The following ANKRD34C variants were observed in gnomAD, a reference collection of about 807,000 sequenced individuals.
ANKRD34C encodes ankyrin repeat domain-containing protein 34C.
For synonymous variants in ANKRD34C, 260 were observed against 253.6 expected (o/e 1.03, Z -0.24); for missense variants, 563 against 653.0 (o/e 0.86, Z 1.50).
chr15:79,287,358 A>G (rs2058648098), intron 1 of ANKRD34C, among the ~76,000 whole-genome samples: 1 of 152,232 alleles, frequency 6.6e-6, no homozygotes, highest in African/African-American at 2.4e-5. Flanking sequence ...GACACAATGC[A>G]TATAAAGTGT....
chr15:79,293,796 C>A lies in ANKRD34C; in HGVS notation c.512C>A (p.Pro171His). The A allele has an allele frequency of 6.4e-7, 1 of 1,551,690 alleles. No individual in the cohort carries two copies. Among genetic ancestry groups the A allele is most frequent in the South Asian group, 1.2e-5 (1 of 84,056 alleles). Residue 171 changes from proline (P) to histidine (H), a missense_variant, in exon 2 of 2, where the codon CCT becomes CAT. Transcript: ENST00000421388. Reference protein sequence around the residue: ...TKTTKQYLNVPPSPKVEDRHS... With the variant: ...TKTTKQYLNVHPSPKVEDRHS... Reference sequence around the variant, plus strand: ...ACCACCAAACAGTATCTTAATGTCCCTCCTTCACCCAAAGTAGAAGACAGG... The same window carrying A: ...ACCACCAAACAGTATCTTAATGTCCATCCTTCACCCAAAGTAGAAGACAGG...
At chr15:79,290,227 C>T (rs2058655822) in intron 1 of ANKRD34C, among the ~76,000 whole-genome samples, 1 of 142,622 alleles carries the variant, frequency 7.0e-6, no homozygotes, top group Non-Finnish European at 1.5e-5. Flanking sequence ...CAGAGTCTCA[C>T]TATTTTGCCT....
At position 79,294,953 on chromosome 15, in the gene ANKRD34C, G is replaced by T; in HGVS notation, c.*61G>T. 1 of 1,433,466 alleles carries T rather than the reference G, an allele frequency of 7.0e-7. No homozygotes were observed. Among genetic ancestry groups the T allele is most frequent in the Non-Finnish European group, 9.2e-7 (1 of 1,082,624 alleles). The allele number at this position is 1,433,466 out of a possible 1,614,324, so 88.8% of individuals were successfully genotyped here. ...TATGGAAGGGACTATGGATGAGACT[G>T]CTTCCTGATCATTCCTTAATGTTGA... On this transcript the variant is annotated 3_prime_UTR_variant, in exon 2 of 2. Transcript: ENST00000421388.
At position 79,297,561 on chromosome 15, in the gene ANKRD34C, C is replaced by T. The variant is rs762744834; in HGVS notation, c.*2669C>T. The T allele has an allele frequency of 3.6e-5, 6 of 167,078 alleles. No homozygotes were observed. Among genetic ancestry groups the T allele is most frequent in the Non-Finnish European group, 7.3e-5 (5 of 68,126 alleles). The allele number at this position is 167,078 out of a possible 1,614,324, so 10.3% of individuals were successfully genotyped here. ...CAGGTACTCTCATGCCACTCATTGC[C>T]TGCATCAGTCAGTCATGACCTTTGC... On this transcript the variant is annotated 3_prime_UTR_variant, in exon 2 of 2. Coordinates refer to ENST00000421388, the MANE Select transcript of ANKRD34C (RefSeq NM_001146341.2).
Position 79,294,691 on chromosome 15 carries a change from T to A in ANKRD34C, c.1407T>A (p.Asn469Lys). The change falls in exon 2 of 2, where the codon AAT becomes AAA. Residue 469 changes from asparagine to lysine, a missense_variant. By Grantham distance (94) the Asn-to-Lys change is moderately conservative. Coordinates refer to ENST00000421388, the MANE Select transcript of ANKRD34C (RefSeq NM_001146341.2). The stretch of plus-strand genomic sequence containing the variant: ...GCTTCCTGCCGCCTTTAAATGTGAA[T>A]CTGAACCCGCCTATTCCAGATATTA... ...RPGFLPPLNVNLNPPIPDIRS... is the reference protein window; with the variant it reads ...RPGFLPPLNVKLNPPIPDIRS... 6.4e-7 allele frequency: 1 copy of A among 1,551,720 alleles called. No homozygotes were observed. Among genetic ancestry groups the A allele is most frequent in the Non-Finnish European group, 8.7e-7 (1 of 1,146,984 alleles).
rs1335616568 is a variant in ANKRD34C, at chr15:79,294,253, T to C, written c.969T>C (p.Ser323=). Residue 323 remains serine, a synonymous_variant, in exon 2 of 2, where the codon TCT becomes TCC. Coordinates refer to ENST00000421388, the MANE Select transcript of ANKRD34C (RefSeq NM_001146341.2). ...AGCAGGTTCTGAAGATTCCAGTCTC[T>C]TCAGCACCGGCATCCTGGAAAGCAG... ...VTEQVLKIPV[S]SAPASWKAAY... is the part of the protein sequence containing the mutation. 6.4e-7 allele frequency: 1 copy of C among 1,551,642 alleles called. No homozygotes were observed. The highest frequency in any genetic ancestry group is 2.0e-5 in the Admixed American group (1 of 51,004).
In ANKRD34C at chr15:79,294,627, G is replaced by T; in HGVS notation, c.1343G>T (p.Gly448Val). 6.4e-7 allele frequency: 1 copy of T among 1,551,690 alleles called. No individual in the cohort carries two copies. Among genetic ancestry groups the T allele is most frequent in the Middle Eastern group, 1.7e-4 (1 of 5,992 alleles). ...CATCTTCTAGAACGACGAGGTTCTG[G>T]AACTCTGCTCCTTGATCGCATTTCT... ...PPHLLERRGS[G>V]TLLLDRISHT... The change falls in exon 2 of 2, where the codon GGA becomes GTA. Residue 448 changes from glycine (G) to valine (V), a missense_variant. Gly to Val is a moderately radical substitution (Grantham distance 109, BLOSUM62 -3). Coordinates refer to ENST00000421388, the MANE Select transcript of ANKRD34C (RefSeq NM_001146341.2).
intron 1 of ANKRD34C, among the ~76,000 whole-genome samples, chr15:79,286,604 AC>A (rs941557391): frequency 1.8e-4 from 27 of 152,156 alleles, no homozygotes; most frequent in African/African-American, 5.3e-4. Flanking sequence ...CAAATGGACC[AC>A]TATTCAGTTC....
chr15:79,298,152 G>C lies in ANKRD34C; in HGVS notation c.*3260G>C, dbSNP rs1445091483. 6.0e-6 allele frequency: 1 copy of C among 166,970 alleles called. No homozygotes were observed. The highest frequency in any genetic ancestry group is 1.5e-5 in the Non-Finnish European group (1 of 68,114). 10.3% of individuals were successfully genotyped at this position (166,970 alleles called of 1,614,324 possible). Reference sequence around the variant, plus strand: ...TGTTCCTTCCTAGTCTCAAGCTGATGATGTGCTCAAAGATGTATCAAAATC... The same window carrying C: ...TGTTCCTTCCTAGTCTCAAGCTGATCATGTGCTCAAAGATGTATCAAAATC... On this transcript the variant is annotated 3_prime_UTR_variant, in exon 2 of 2. Coordinates refer to ENST00000421388, the MANE Select transcript of ANKRD34C (RefSeq NM_001146341.2).
chr15:79,284,753 G>A (rs1028788581), intron 1 of ANKRD34C, among the ~76,000 whole-genome samples: 4 of 152,160 alleles, frequency 2.6e-5, no homozygotes. Context: ...AAGTAGGCAG[G>A]ACTGGGGTTA....
rs1322300813 is a variant in ANKRD34C at position 79,296,632 on chromosome 15, A to G, written c.*1740A>G. On this transcript the variant is annotated 3_prime_UTR_variant, in exon 2 of 2. Transcript: ENST00000421388. Reference sequence around the variant, plus strand: ...ACTACCTTTGCTAGAAATTTATCTGAATATTCCAAACAAAAGTGTTAATGA... The same window carrying G: ...ACTACCTTTGCTAGAAATTTATCTGGATATTCCAAACAAAAGTGTTAATGA... 6.0e-6 allele frequency: 1 copy of G among 167,124 alleles called. No individual in the cohort carries two copies. The highest frequency in any genetic ancestry group is 6.5e-5 in the Admixed American group (1 of 15,288). The allele number at this position is 167,124 out of a possible 1,614,324, so 10.4% of individuals were successfully genotyped here.
At position 79,294,023 on chromosome 15, in the gene ANKRD34C, C is replaced by A. The variant is rs928314384; in HGVS notation, c.739C>A (p.Leu247Met). Reference protein sequence around the residue: ...SNLKRARLPQLKRLQSEPWGL... With the variant: ...SNLKRARLPQMKRLQSEPWGL... The stretch of plus-strand genomic sequence containing the variant: ...TCTCAAAAGGGCCCGTTTGCCTCAA[C>A]TGAAGAGGCTCCAGTCTGAACCTTG... Residue 247 changes from leucine (L) to methionine (M), a missense_variant, in exon 2 of 2, where the codon CTG becomes ATG. Transcript: ENST00000421388. 4 of 1,551,670 alleles carry A rather than the reference C, an allele frequency of 2.6e-6. No homozygotes were observed. The highest frequency in any genetic ancestry group is 2.0e-5 in the Admixed American group (1 of 51,012).
At chr15:79,288,812 C>CTTTTTTTTTT (rs60075615) in intron 1 of ANKRD34C, among the ~76,000 whole-genome samples, 9 of 55,534 alleles carry the variant, frequency 1.6e-4, no homozygotes, top group Admixed American at 7.7e-4. Context: ...GCCCAGTATT[C>CTTTTTTTTTT]TTTTTTTTTT....
chr15:79,283,810 G>A (rs2058636021), intron 1 of ANKRD34C: 1 of 152,250 alleles, frequency 6.6e-6, no homozygotes, highest in African/African-American at 2.4e-5. Context: ...CAGTGAGCGT[G>A]GAACAGCCCG....
Position 79,293,672 on chromosome 15 carries a change from G to A in ANKRD34C, c.388G>A (p.Asp130Asn). ...AGCTCTGGTTTATGCAATAAATGCA[G>A]ATGACAAGGATGCATTGAAGCATCT... ...ASALVYAINADDKDALKHLLD... is the reference protein window; with the variant it reads ...ASALVYAINANDKDALKHLLD... Residue 130 changes from aspartate to asparagine, a missense_variant, in exon 2 of 2, where the codon GAT becomes AAT. Coordinates refer to ENST00000421388, the MANE Select transcript of ANKRD34C (RefSeq NM_001146341.2). The A allele has an allele frequency of 6.4e-7, 1 of 1,551,680 alleles. No individual in the cohort carries two copies. Among genetic ancestry groups the A allele is most frequent in the East Asian group, 2.4e-5 (1 of 40,928 alleles).
chr15:79,291,234 G>C (rs2058658277), intron 1 of ANKRD34C, among the ~76,000 whole-genome samples: 1 of 152,176 alleles, frequency 6.6e-6, no homozygotes. Context: ...ACAGTGCCAA[G>C]AGGAAAAACA....
Position 79,294,877 on chromosome 15 carries a change from A to G in ANKRD34C, c.1593A>G (p.Glu531=). The change falls in exon 2 of 2, where the codon GAA becomes GAG. Residue 531 remains glutamate, a synonymous_variant. Transcript: ENST00000421388. ...AAATGAAACAGCTGTCTGATTTTGA[A>G]GAAATCATGACCTAGAAGCTTTAGA... is the stretch of plus-strand genomic sequence containing the variant. ...IEQMKQLSDF[E]EIMT 6.5e-7 allele frequency: 1 copy of G among 1,540,236 alleles called. No individual in the cohort carries two copies. Among genetic ancestry groups the G allele is most frequent in the Non-Finnish European group, 8.7e-7 (1 of 1,143,930 alleles).
rs1261593254 is a variant in ANKRD34C, at chr15:79,293,351, A to C, written c.67A>C (p.Arg23=). ...TTTGTTAAAGGCTGTGTGGCTGGGGAGGCTCAGGTTGACCAGGCTGCTCTT... is the reference window on the plus strand; with the variant it reads ...TTTGTTAAAGGCTGTGTGGCTGGGGCGGCTCAGGTTGACCAGGCTGCTCTT... ...NSLLKAVWLG[R]LRLTRLLLEG... is the part of the protein sequence containing the mutation. The change falls in exon 2 of 2, where the codon AGG becomes CGG. Residue 23 remains arginine (R), a synonymous_variant. Transcript: ENST00000421388. 3 of 1,550,816 alleles carry C rather than the reference A, an allele frequency of 1.9e-6. No homozygotes were observed. The Admixed American group carries it at 5.9e-5, about 30-fold the overall frequency.
At position 79,294,766 on chromosome 15, in the gene ANKRD34C, G is replaced by A. The variant is rs776306446; in HGVS notation, c.1482G>A (p.Met494Ile). ...SCSLASGLKS[M>I]VPVAPSSPKR... Reference sequence around the variant, plus strand: ...CTCTTGCTAGTGGCTTAAAATCTATGGTTCCTGTTGCTCCAAGTTCACCAA... The same window carrying A: ...CTCTTGCTAGTGGCTTAAAATCTATAGTTCCTGTTGCTCCAAGTTCACCAA... Residue 494 changes from methionine (M) to isoleucine (I), a missense_variant, in exon 2 of 2, where the codon ATG (methionine) becomes ATA (isoleucine). By Grantham distance (10) the Met-to-Ile change is conservative. Transcript: ENST00000421388. The A allele has an allele frequency of 1.9e-6, 3 of 1,551,720 alleles. No homozygotes were observed. The South Asian group carries it at 3.6e-5, about 18-fold the overall frequency.
Sources: gnomAD v4.1 joint callset for allele counts (sites outside exome capture counted in the v4.1 genomes callset) on GRCh38, gnomAD v4.1.1 for gene constraint, MANE v1.5 for transcripts, NCBI Gene and HGNC (gene_info 2026-07-23, HGNC 2026-07-21) for gene names.